ANKZF1: variants seen among roughly 807,000 people sequenced by gnomAD.
The protein encoded by ANKZF1 is tRNA endonuclease ANKZF1.
In ANKZF1, 84 loss-of-function variants were observed where a neutral mutation model predicts 86.0. That is an observed-to-expected ratio of 0.98 (90% CI 0.82 to 1.17). The LOEUF is 1.17. ANKZF1 is among the 50% of genes most tolerant of loss of function. The probability of loss-of-function intolerance (pLI) is 0.00; values close to 1 mark genes in which losing one functional copy is unlikely to be tolerated. For synonymous variants in ANKZF1, 331 were observed against 354.2 expected (o/e 0.93, Z 0.74); for missense variants, 893 against 918.4 (o/e 0.97, Z 0.36).
intron 2 of ANKZF1, 91 bp from the exon 3 acceptor site, chr2:219,231,837 C>G (rs565538216): frequency 9.5e-7 from 1 of 1,055,666 alleles, no homozygotes; most frequent in East Asian, 2.4e-5. Context: ...TTTGTATCCT[C>G]CTCTGCTTTG....
intron 8 of ANKZF1, 74 bp from the exon 9 acceptor site, chr2:219,234,059 A>G (rs1951129016): frequency 1.3e-6 from 2 of 1,559,064 alleles, no homozygotes; most frequent in East Asian, 2.2e-5. Context: ...CAGCCCAGCT[A>G]CATCTGCATT....
chr2:219,234,644 G>A (rs2106464614), intron 9 of ANKZF1, 182 bp from the exon 10 acceptor site: 2 of 831,882 alleles, frequency 2.4e-6, no homozygotes, highest in Non-Finnish European at 3.7e-6. Flanking sequence ...CCAGGGACTT[G>A]TTCTTGTCTG....
chr2:219,234,787 A>G, intron 9 of ANKZF1, 39 bp from the exon 10 acceptor site: 1 of 1,563,004 alleles, frequency 6.4e-7, no homozygotes, highest in Admixed American at 1.9e-5. Context: ...CCCTCTGAGT[A>G]CTCCCTAGAT....
rs999176918 is a variant in ANKZF1 at position 219,236,510 on chromosome 2, G to A, written c.*65G>A. The A allele has an allele frequency of 2.6e-6, 4 of 1,511,446 alleles. No individual in the cohort carries two copies. The African/African-American group carries it at 5.6e-5, about 21-fold the overall frequency. 93.6% of individuals were successfully genotyped at this position (1,511,446 alleles called of 1,614,324 possible). A position where few individuals can be genotyped will look rare whatever the true frequency, so the allele number is the denominator to read the frequency against. On this transcript the variant is annotated 3_prime_UTR_variant, in exon 14 of 14. Transcript: ENST00000323348. Reference sequence around the variant, plus strand: ...GAGGGCACATTCACAGCAGCCCTAGGTTTTTTCTTCCCCGTGAAACCAGAG... The same window carrying A: ...GAGGGCACATTCACAGCAGCCCTAGATTTTTTCTTCCCCGTGAAACCAGAG...
rs1951168473 is a variant in ANKZF1, at chr2:219,235,160, G to A, written c.1539G>A (p.Gln513=). The change falls in exon 10 of 14, where the codon CAG becomes CAA. Residue 513 remains glutamine, a synonymous_variant. Transcript: ENST00000323348. The part of the protein sequence containing the change: ...RAGDVGVLKL[Q]LAPSPADPRV... The stretch of plus-strand genomic sequence containing the variant: ...GAGATGTTGGAGTGCTAAAGCTGCA[G>A]CTAGCTCCCAGCCCTGCAGACCCTA... 6.2e-7 allele frequency: 1 copy of A among 1,614,042 alleles called. No homozygotes were observed. The highest frequency in any genetic ancestry group is 1.3e-5 in the African/African-American group (1 of 74,924).
At chr2:219,232,989 A>G (rs1951086590) in intron 5 of ANKZF1, 90 bp from the exon 6 acceptor site, 1 of 1,237,770 alleles carries the variant, frequency 8.1e-7, no homozygotes, top group Non-Finnish European at 1.2e-6. Flanking sequence ...TGGTAATATT[A>G]AATGAGATAA....
At chr2:219,233,983 T>A in intron 8 of ANKZF1, 40 bp downstream of exon 8, 1 of 1,537,664 alleles carries the variant, frequency 6.5e-7, no homozygotes, top group Non-Finnish European at 8.7e-7. Context: ...TAGACCTTCC[T>A]GTTCTCTCCA....
At position 219,229,991 on chromosome 2, in the gene ANKZF1, T is replaced by C. The variant is rs1950979990; in HGVS notation, c.-31+91T>C. 1 of 364,156 alleles carries C rather than the reference T, an allele frequency of 2.7e-6. No homozygotes were observed. Among genetic ancestry groups the C allele is most frequent in the African/African-American group, 2.1e-5 (1 of 47,386 alleles). The allele number at this position is 364,156 out of a possible 1,614,324, so 22.6% of individuals were successfully genotyped here. The stretch of plus-strand genomic sequence containing the variant: ...AGAAAGTTCGGCTAGGCAAGCTCAG[T>C]GATTTTTAACTCTGTTGGACTCGAT... On this transcript the variant is annotated intron_variant, in intron 1 of 13. Transcript: ENST00000323348. This position sits in a 1 kb window ranked among gnomAD's most constrained non-coding sequence, Gnocchi z 4.2.
chr2:219,235,896 G>T, intron 12 of ANKZF1, 21 bp downstream of exon 12: 1 of 1,613,932 alleles, frequency 6.2e-7, no homozygotes, highest in East Asian at 2.2e-5. Context: ...AGGTTCTCTT[G>T]TCCATGGCAA....
At position 219,236,630 on chromosome 2, in the gene ANKZF1, C is replaced by G; in HGVS notation, c.*185C>G. ...CTGGTACTGTCTCTGGAATTTTAAT[C>G]ACAATAAAGTTTGGCAAGGAATGTG... is the stretch of plus-strand genomic sequence containing the variant. On this transcript the variant is annotated 3_prime_UTR_variant, in exon 14 of 14. Transcript: ENST00000323348. 1.3e-6 allele frequency: 1 copy of G among 799,058 alleles called. No homozygotes were observed. The highest frequency in any genetic ancestry group is 3.4e-5 in the Admixed American group (1 of 29,546). The allele number at this position is 799,058 out of a possible 1,614,324, so 49.5% of individuals were successfully genotyped here. A position where few individuals can be genotyped will look rare whatever the true frequency, so the allele number is the denominator to read the frequency against.
Position 219,230,343 on chromosome 2 carries a change from T to A in ANKZF1, c.86T>A (p.Leu29Gln). The change falls in exon 2 of 14, where the codon CTG becomes CAG. Residue 29 changes from leucine (L) to glutamine (Q), a missense_variant. Coordinates refer to ENST00000323348, the MANE Select transcript of ANKZF1 (RefSeq NM_018089.3). ...LSADAPVFQGLSLVSHAPGEA... is the reference protein window; with the variant it reads ...LSADAPVFQGQSLVSHAPGEA... ...GCGGATGCTCCGGTCTTTCAGGGCC[T>A]GAGCCTGGTGAGCCACGCGCCTGGG... The A allele has an allele frequency of 6.2e-7, 1 of 1,613,990 alleles. No individual in the cohort carries two copies. The highest frequency in any genetic ancestry group is 8.5e-7 in the Non-Finnish European group (1 of 1,179,886).
In ANKZF1 at chr2:219,233,299, A is replaced by C. The variant is rs770588289; in HGVS notation, c.685A>C (p.Thr229Pro). 2 of 1,614,260 alleles carry C rather than the reference A, an allele frequency of 1.2e-6. No homozygotes were observed. Among genetic ancestry groups the C allele is most frequent in the Non-Finnish European group, 1.7e-6 (2 of 1,180,046 alleles). The change falls in exon 7 of 14, where the codon ACA (threonine) becomes CCA (proline). Residue 229 changes from threonine (T) to proline (P), a missense_variant. Physicochemically the swap from Thr to Pro is conservative, Grantham distance 38 (BLOSUM62 -1). Coordinates refer to ENST00000323348, the MANE Select transcript of ANKZF1 (RefSeq NM_018089.3). ...GAIFQGREVVTHKTFHRYTVR... is the reference protein window; with the variant it reads ...GAIFQGREVVPHKTFHRYTVR... ...TGCTGTCTACAGAAGAGAAGTGGTG[A>C]CACACAAAACTTTTCACCGCTATAC...
chr2:219,234,368 G>A, intron 9 of ANKZF1, 80 bp downstream of exon 9: 1 of 1,574,222 alleles, frequency 6.4e-7, no homozygotes, highest in Non-Finnish European at 8.7e-7. Flanking sequence ...TCTCATAACT[G>A]ACCCATTTCC....
chr2:219,234,171 C>T lies in ANKZF1; in HGVS notation c.1087C>T (p.Gln363Ter). 1.9e-6 allele frequency: 3 copies of T among 1,614,116 alleles called. No individual in the cohort carries two copies. The highest frequency in any genetic ancestry group is 2.5e-6 in the Non-Finnish European group (3 of 1,180,026). The change falls in exon 9 of 14, where the codon CAG (glutamine) becomes TAG (stop). Residue 363 changes from glutamine (Q) to a stop codon, truncating the protein, a stop_gained. Transcript: ENST00000323348. LOFTEE classifies it high-confidence loss of function. ...GGAAGCAGTCAGACTGCACTCACCT[C>T]AGACACACTGGAAAACAGTAAGAGA... is the stretch of plus-strand genomic sequence containing the variant. ...PREAVRLHSP[Q>*]THWKTVREER...
At position 219,232,176 on chromosome 2, in the gene ANKZF1, A is replaced by G. The variant is rs1951059832; in HGVS notation, c.262-84A>G. 23 of 1,471,322 alleles carry G rather than the reference A, an allele frequency of 1.6e-5. 1 individual carries two copies. In the South Asian group the frequency reaches 2.4e-4, roughly 16 times the overall value. 91.1% of individuals were successfully genotyped at this position (1,471,322 alleles called of 1,614,324 possible). The stretch of plus-strand genomic sequence containing the variant: ...TTGGTGTTACCTGGTTGTACTTCCT[A>G]GAATACTATAACTGGTCTTGGCCAG... On this transcript the variant is annotated intron_variant, in intron 3 of 13. Transcript: ENST00000323348.
Position 219,235,993 on chromosome 2 carries a change from C to G in ANKZF1, c.1972-17C>G. ...CGCCACTGGGGCCTTGTCCTTAACACAACTTGTCTCCCTCAGAGAGCTCTG... is the reference window on the plus strand; with the variant it reads ...CGCCACTGGGGCCTTGTCCTTAACAGAACTTGTCTCCCTCAGAGAGCTCTG... On this transcript the variant is annotated splice_polypyrimidine_tract_variant and intron_variant, in intron 12 of 13. Transcript: ENST00000323348. 1.2e-6 allele frequency: 2 copies of G among 1,614,196 alleles called. No individual in the cohort carries two copies. Among genetic ancestry groups the G allele is most frequent in the Non-Finnish European group, 1.7e-6 (2 of 1,180,030 alleles).
In ANKZF1 at chr2:219,232,848, G is replaced by T. The variant is rs991568320; in HGVS notation, c.558+165G>T. On this transcript the variant is annotated intron_variant, in intron 5 of 13. Transcript: ENST00000323348. The stretch of plus-strand genomic sequence containing the variant: ...ATTGAAACTGGCCTGAATTGTGGAA[G>T]GGTTAAGTGTAATGGAATTAAGTTT... 1.1e-5 allele frequency: 10 copies of T among 879,936 alleles called. No individual in the cohort carries two copies. The African/African-American group carries it at 1.4e-4, about 12-fold the overall frequency. The allele number at this position is 879,936 out of a possible 1,614,324, so 54.5% of individuals were successfully genotyped here. A position where few individuals can be genotyped will look rare whatever the true frequency, so the allele number is the denominator to read the frequency against.
chr2:219,229,864 T>A lies in ANKZF1; in HGVS notation c.-67T>A, dbSNP rs1364301432. The A allele has an allele frequency of 5.5e-6, 1 of 182,650 alleles. No homozygotes were observed. Among genetic ancestry groups the A allele is most frequent in the Non-Finnish European group, 1.2e-5 (1 of 85,572 alleles). 11.3% of individuals were successfully genotyped at this position (182,650 alleles called of 1,614,324 possible). On this transcript the variant is annotated 5_prime_UTR_variant, in exon 1 of 14. Transcript: ENST00000323348. This position sits in a 1 kb window ranked among gnomAD's most constrained non-coding sequence, Gnocchi z 4.2. ...TGTTGCAGAAATCCGGCAATCGACC[T>A]GAGGACTTGCGAGCCGCTCAGCTCC... is the stretch of plus-strand genomic sequence containing the variant.
At chr2:219,230,185 C>T in intron 1 of ANKZF1, 43 bp from the exon 2 acceptor site, 1 of 1,544,444 alleles carries the variant, frequency 6.5e-7, no homozygotes, top group Non-Finnish European at 8.8e-7. Flanking sequence ...GCAGTAGGAT[C>T]TCGTTTGCAG....
Sources: gnomAD v4.1 joint callset for allele counts on GRCh38, gnomAD v4.1.1 for gene constraint, Gnocchi (gnomAD v3.1) non-coding constraint, MANE v1.5 for transcripts, NCBI Gene and HGNC (gene_info 2026-07-23, HGNC 2026-07-21) for gene names.